The following OSTN variants were observed in gnomAD, a reference collection of about 807,000 sequenced individuals.
OSTN encodes osteocrin.
Under a neutral mutation model 12.0 loss-of-function variants are expected in OSTN, and 9 were observed. The observed-to-expected ratio is 0.75, with a 90% CI of 0.45 to 1.30. OSTN has a LOEUF of 1.30. Among genes scored for constraint, OSTN ranks in the 50% most tolerant of loss-of-function variants. The probability of loss-of-function intolerance (pLI) is 0.00; values close to 1 mark genes in which losing one functional copy is unlikely to be tolerated. For missense variants in OSTN, 148 were observed against 152.3 expected, an observed-to-expected ratio of 0.97 and a Z score of 0.15; for synonymous variants, 59 against 56.9, an observed-to-expected ratio of 1.04 and a Z score of -0.16.
intron 1 of OSTN, among the ~76,000 whole-genome samples, chr3:191,210,177 C>T (rs1484025813): frequency 1.3e-5 from 2 of 152,190 alleles, no homozygotes; most frequent in East Asian, 3.9e-4. Flanking sequence ...GTGCTATACA[C>T]TTTGAACAAT....
Position 191,263,048 on chromosome 3 carries a change from G to C in OSTN, c.*195G>C. 1 of 534,964 alleles carries C rather than the reference G, an allele frequency of 1.9e-6. No individual in the cohort carries two copies. The allele number at this position is 534,964 out of a possible 1,614,324, so 33.1% of individuals were successfully genotyped here. On this transcript the variant is annotated 3_prime_UTR_variant, in exon 5 of 5. Transcript: ENST00000682035. ...TCAATTAAATTGTGTAAATCATTTTGATGCACGTACATTTTAAAATTATAT... is the reference window on the plus strand; with the variant it reads ...TCAATTAAATTGTGTAAATCATTTTCATGCACGTACATTTTAAAATTATAT...
At chr3:191,207,775 A>G (rs1291036918) in intron 1 of OSTN, among the ~76,000 whole-genome samples, 2 of 152,156 alleles carry the variant, frequency 1.3e-5, no homozygotes, top group Admixed American at 1.3e-4. Context: ...ACACCTCTTT[A>G]AAAATATACA....
At chr3:191,211,167 A>G (rs1714407691) in intron 1 of OSTN, among the ~76,000 whole-genome samples, 1 of 152,172 alleles carries the variant, frequency 6.6e-6, no homozygotes, top group African/African-American at 2.4e-5. Context: ...TTTATATTTT[A>G]TATGTATATA....
chr3:191,236,825 T>C (rs191537086), intron 3 of OSTN, among the ~76,000 whole-genome samples: 11 of 152,316 alleles, frequency 7.2e-5, no homozygotes, highest in African/African-American at 2.4e-4. Context: ...CTTCTGGGAA[T>C]GCAGTCCAGC....
intron 1 of OSTN, among the ~76,000 whole-genome samples, chr3:191,208,526 T>C (rs1002016596): frequency 1.3e-5 from 2 of 152,232 alleles, no homozygotes; most frequent in African/African-American, 4.8e-5. Flanking sequence ...CATTTATTTT[T>C]ACATCTCCTT....
chr3:191,233,291 T>A (rs774512956), intron 3 of OSTN, among the ~76,000 whole-genome samples: 1 of 152,224 alleles, frequency 6.6e-6, no homozygotes, highest in African/African-American at 2.4e-5. Context: ...TTTACCTGAA[T>A]AGGACACTAG....
chr3:191,241,022 C>A (rs1240160388), intron 3 of OSTN, among the ~76,000 whole-genome samples: 1 of 152,186 alleles, frequency 6.6e-6, no homozygotes, highest in Non-Finnish European at 1.5e-5. Context: ...CTAGTACACT[C>A]ATGTAAGGTT....
chr3:191,221,794 T>A (rs1056521077), intron 3 of OSTN, among the ~76,000 whole-genome samples: 3 of 152,196 alleles, frequency 2.0e-5, no homozygotes, highest in Non-Finnish European at 2.9e-5. Context: ...AAAATGCTAA[T>A]CACCAAGCCA....
chr3:191,211,514 A>G (rs1388728714), intron 1 of OSTN, among the ~76,000 whole-genome samples: 1 of 152,200 alleles, frequency 6.6e-6, no homozygotes, highest in Admixed American at 6.5e-5. Flanking sequence ...TAGTATACAC[A>G]TACCTAGAAG....
intron 3 of OSTN, among the ~76,000 whole-genome samples, chr3:191,244,717 G>C (rs1299050881): frequency 6.7e-6 from 1 of 149,314 alleles, no homozygotes; most frequent in Non-Finnish European, 1.5e-5. Context: ...ATTTAACCAG[G>C]CTATTATGGT....
Position 191,253,177 on chromosome 3 carries a change from T to C in OSTN, c.*12+3044T>C, listed in dbSNP as rs560084707. Among the ~76,000 whole-genome samples the C allele has an allele frequency of 2.0e-5, 3 of 152,390 alleles. No homozygotes were observed. The East Asian group carries it at 5.8e-4, about 29-fold the overall frequency. ...CGAACAGAAATGGTATCTCGCACTT[T>C]ACAAAAATCTTTGTTTCACTTCTGT... On this transcript the variant is annotated intron_variant, in intron 4 of 4. Coordinates refer to ENST00000682035, the MANE Select transcript of OSTN (RefSeq NM_198184.2).
rs1183884186 is a variant in OSTN, at chr3:191,250,153, G to A, written c.*12+20G>A. ...CCAATTGTGAGTACAATTTGAATAA[G>A]TAACAGTATATGCAGGTATTTGATT... On this transcript the variant is annotated intron_variant, in intron 4 of 4. Transcript: ENST00000682035. 2.0e-6 allele frequency: 3 copies of A among 1,511,586 alleles called. No individual in the cohort carries two copies. The highest frequency in any genetic ancestry group is 2.8e-6 in the Non-Finnish European group (3 of 1,086,892). The allele number at this position is 1,511,586 out of a possible 1,614,324, so 93.6% of individuals were successfully genotyped here.
chr3:191,223,126 G>A (rs1322249730), intron 3 of OSTN, among the ~76,000 whole-genome samples: 2 of 152,120 alleles, frequency 1.3e-5, no homozygotes, highest in African/African-American at 4.8e-5. Context: ...TCTTTAGAAA[G>A]TACCATAATG....
intron 3 of OSTN, chr3:191,229,688 T>A (rs976115877): frequency 2.0e-5 from 3 of 152,118 alleles, no homozygotes; most frequent in Non-Finnish European, 2.9e-5. Flanking sequence ...GTCAAAAACA[T>A]GCGAAGAATG....
intron 4 of OSTN, among the ~76,000 whole-genome samples, chr3:191,252,308 T>C (rs1715577923): frequency 6.6e-6 from 1 of 152,160 alleles, no homozygotes; most frequent in Non-Finnish European, 1.5e-5. Flanking sequence ...CTTGTGATTC[T>C]CCTGCCTCGG....
At chr3:191,222,270 T>C (rs1321834886) in intron 3 of OSTN, among the ~76,000 whole-genome samples, 2 of 152,158 alleles carry the variant, frequency 1.3e-5, no homozygotes, top group African/African-American at 4.8e-5. Flanking sequence ...GACCCCAGAA[T>C]GGTAGATCTT....
intron 1 of OSTN, among the ~76,000 whole-genome samples, chr3:191,203,415 C>T (rs1714196992): frequency 6.6e-6 from 1 of 152,030 alleles, no homozygotes; most frequent in African/African-American, 2.4e-5. Context: ...TTTCTGGCTT[C>T]TTAATTTTTG....
In OSTN at chr3:191,225,959, C is replaced by A. The variant is rs556388570; in HGVS notation, c.317+6998C>A. ...CATGTAGCAAACCTACACGTACATA[C>A]CCTGAATCTAAAATAAAATATTTTT... is the stretch of plus-strand genomic sequence containing the variant. On this transcript the variant is annotated intron_variant, in intron 3 of 4. Transcript: ENST00000682035. 3.3e-5 allele frequency among the ~76,000 whole-genome samples: 5 copies of A among 152,142 alleles called. No individual in the cohort carries two copies. In the East Asian group the frequency reaches 5.8e-4, roughly 18 times the overall value.
intron 2 of OSTN, 95 bp downstream of exon 2, chr3:191,212,729 T>C: frequency 3.9e-6 from 1 of 257,438 alleles, no homozygotes; most frequent in Non-Finnish European, 6.9e-6. Flanking sequence ...TAAAATATAT[T>C]TCATATACGT....
Sources: gnomAD v4.1 joint callset for allele counts (sites outside exome capture counted in the v4.1 genomes callset) on GRCh38, gnomAD v4.1.1 for gene constraint, MANE v1.5 for transcripts, NCBI Gene and HGNC (gene_info 2026-07-23, HGNC 2026-07-21) for gene names.